Variants in ZDHHC17 observed in about 807,000 individuals in gnomAD.
ZDHHC17 encodes palmitoyltransferase ZDHHC17.
ZDHHC17 carries 40 observed loss-of-function variants against 90.3 expected under a neutral mutation model. The ratio of observed to expected loss-of-function variants is 0.44; its 90% CI spans 0.34 to 0.58. The LOEUF is 0.58. Ranked by LOEUF, ZDHHC17 falls within the 20% of genes least tolerant of loss-of-function variation. The probability of loss-of-function intolerance (pLI) is 0.01; values close to 1 mark genes in which losing one functional copy is unlikely to be tolerated. For synonymous variants in ZDHHC17, 235 were observed against 252.4 expected (o/e 0.93, Z 0.65); for missense variants, 614 against 780.8 (o/e 0.79, Z 2.55).
In ZDHHC17 at chr12:76,822,276, T is replaced by C. The variant is rs1238311503; in HGVS notation, c.772-130T>C. 5.2e-6 allele frequency: 6 copies of C among 1,163,896 alleles called. No homozygotes were observed. The East Asian group carries it at 1.0e-4, about 20-fold the overall frequency. The allele number at this position is 1,163,896 out of a possible 1,614,324, so 72.1% of individuals were successfully genotyped here. A position where few individuals can be genotyped will look rare whatever the true frequency, so the allele number is the denominator to read the frequency against. On this transcript the variant is annotated intron_variant, in intron 7 of 16. Coordinates refer to ENST00000426126, the MANE Select transcript of ZDHHC17 (RefSeq NM_015336.4). ...AAACATGTAATGATGCAGGTGTTTT[T>C]AGTAATTTACACAATGTCAAAACAA...
At chr12:76,849,228 G>A (rs1953532985) in intron 15 of ZDHHC17, 148 bp from the exon 16 acceptor site, 1 of 425,532 alleles carries the variant, frequency 2.3e-6, no homozygotes, top group African/African-American at 2.3e-5. Context: ...GGGGTGGGGG[G>A]AGGTGGCGGG....
At chr12:76,778,384 G>A (rs1198850681) in intron 1 of ZDHHC17, among the ~76,000 whole-genome samples, 3 of 152,112 alleles carry the variant, frequency 2.0e-5, no homozygotes, top group South Asian at 4.2e-4. Flanking sequence ...CACACCCAGC[G>A]AATTTTTTTA....
chr12:76,811,721 C>T (rs985592040), intron 5 of ZDHHC17, among the ~76,000 whole-genome samples: 6 of 100,652 alleles, frequency 6.0e-5, no homozygotes, highest in African/African-American at 1.8e-4. Context: ...AATCTCACCT[C>T]TCCCCTTGGC....
intron 1 of ZDHHC17, among the ~76,000 whole-genome samples, chr12:76,771,965 C>G (rs185466133): frequency 9.2e-5 from 14 of 152,310 alleles, no homozygotes; most frequent in African/African-American, 3.1e-4. Flanking sequence ...CTCTCCTCCT[C>G]TCTCCCTTTC....
rs763168310 is a variant in ZDHHC17 at position 76,822,548 on chromosome 12, A to T, written c.897+17A>T. 1 of 1,429,794 alleles carries T rather than the reference A, an allele frequency of 7.0e-7. No individual in the cohort carries two copies. Among genetic ancestry groups the T allele is most frequent in the African/African-American group, 1.6e-5 (1 of 63,690 alleles). The allele number at this position is 1,429,794 out of a possible 1,614,324, so 88.6% of individuals were successfully genotyped here. A position where few individuals can be genotyped will look rare whatever the true frequency, so the allele number is the denominator to read the frequency against. ...GCTGATAAGGTAAACTCATAACTGA[A>T]GATTTTTTTTTTTTTTTTTTTTTGA... is the stretch of plus-strand genomic sequence containing the variant. On this transcript the variant is annotated intron_variant, in intron 8 of 16. Transcript: ENST00000426126.
chr12:76,844,779 A>G (rs966113797), intron 12 of ZDHHC17: 6 of 152,158 alleles, frequency 3.9e-5, no homozygotes, highest in African/African-American at 1.2e-4. Context: ...TATGCAAACT[A>G]ATGGAGAAAT....
chr12:76,805,045 A>G (rs562662892), intron 2 of ZDHHC17, among the ~76,000 whole-genome samples: 177 of 152,272 alleles, frequency 1.2e-3, no homozygotes, highest in Non-Finnish European at 1.2e-3. Context: ...ATAAGTGGTA[A>G]TAAAGCAACT....
Position 76,852,772 on chromosome 12 carries a change from C to T in ZDHHC17, c.*1787C>T, listed in dbSNP as rs1483600741. On this transcript the variant is annotated 3_prime_UTR_variant, in exon 17 of 17. Coordinates refer to ENST00000426126, the MANE Select transcript of ZDHHC17 (RefSeq NM_015336.4). ...TAATATTAGAAAATTGGCATATGTA[C>T]TTTATTTTTGAAAAGGGAAGAGATG... 1 of 152,430 alleles carries T rather than the reference C, an allele frequency of 6.6e-6. No homozygotes were observed. The highest frequency in any genetic ancestry group is 1.5e-5 in the Non-Finnish European group (1 of 68,000). 9.4% of individuals were successfully genotyped at this position (152,430 alleles called of 1,614,324 possible).
chr12:76,791,671 CATCTGGGA>C (rs1480990654), intron 1 of ZDHHC17, among the ~76,000 whole-genome samples: 4 of 152,110 alleles, frequency 2.6e-5, no homozygotes, highest in Non-Finnish European at 5.9e-5. Flanking sequence ...CTATACTATA[CATCTGGGA>C]TTAGCATAGA....
At chr12:76,836,150 GT>G (rs1953359904) in intron 10 of ZDHHC17, among the ~76,000 whole-genome samples, 1 of 151,700 alleles carries the variant, frequency 6.6e-6, no homozygotes, top group Non-Finnish European at 1.5e-5. Context: ...TATTGTCTTT[GT>G]TATGTTTTGA....
At chr12:76,837,081 C>G (rs1429737750) in intron 10 of ZDHHC17, among the ~76,000 whole-genome samples, 1 of 152,130 alleles carries the variant, frequency 6.6e-6, no homozygotes, top group Non-Finnish European at 1.5e-5. Flanking sequence ...TTTATCATCT[C>G]TGGTCTCCAT....
intron 9 of ZDHHC17, among the ~76,000 whole-genome samples, chr12:76,827,597 C>G (rs561023591): frequency 2.0e-5 from 3 of 152,240 alleles, no homozygotes; most frequent in African/African-American, 7.2e-5. Context: ...ACCTATCCAA[C>G]AAACCTAGAC....
intron 1 of ZDHHC17, among the ~76,000 whole-genome samples, chr12:76,779,762 A>G (rs570601374): frequency 2.0e-5 from 3 of 152,304 alleles, no homozygotes; most frequent in African/African-American, 7.2e-5. Flanking sequence ...TGAGATCCCA[A>G]AGATTGTCTT....
intron 3 of ZDHHC17, among the ~76,000 whole-genome samples, chr12:76,808,782 C>T (rs767345041): frequency 7.9e-5 from 12 of 151,442 alleles, no homozygotes; most frequent in South Asian, 2.1e-4. Flanking sequence ...TTCTTTTTTA[C>T]GTGATTTTTT....
At chr12:76,835,706 T>A (rs1214493767) in intron 10 of ZDHHC17, among the ~76,000 whole-genome samples, 5 of 151,868 alleles carry the variant, frequency 3.3e-5, no homozygotes, top group Admixed American at 1.3e-4. Context: ...TTCTTTCTAC[T>A]CTTTATAGCA....
At chr12:76,764,564 G>T in intron 1 of ZDHHC17, 1 of 576,576 alleles carries the variant, frequency 1.7e-6, no homozygotes, top group Non-Finnish European at 3.1e-6. Flanking sequence ...GTGCCTGGAG[G>T]ACAGAGGTGG....
chr12:76,786,957 ACTT>A (rs1952694905), intron 1 of ZDHHC17, among the ~76,000 whole-genome samples: 1 of 152,222 alleles, frequency 6.6e-6, no homozygotes, highest in Non-Finnish European at 1.5e-5. Context: ...AGTTTACAAT[ACTT>A]CTTAGGATTT....
chr12:76,841,515 AGCAAGCTTATATTTTTTCT>A (rs1282903296), intron 10 of ZDHHC17, among the ~76,000 whole-genome samples: 2 of 152,166 alleles, frequency 1.3e-5, no homozygotes, highest in Admixed American at 6.5e-5. Flanking sequence ...ATTTGTTTTA[AGCAAGCTTATATTTTTTCT>A]GAAATCAATT....
Position 76,815,178 on chromosome 12 carries a change from G to C in ZDHHC17, c.576G>C (p.Thr192=). 1 of 1,567,494 alleles carries C rather than the reference G, an allele frequency of 6.4e-7. No homozygotes were observed. Among genetic ancestry groups the C allele is most frequent in the South Asian group, 1.2e-5 (1 of 84,906 alleles). Residue 192 remains threonine, a synonymous_variant, in exon 6 of 17, where the codon ACG becomes ACC. Transcript: ENST00000426126. ...ATATGATGGATCAGAATGGAATGACGCCTTTAATGTGGGCAGCATATAGAA... is the reference window on the plus strand; with the variant it reads ...ATATGATGGATCAGAATGGAATGACCCCTTTAATGTGGGCAGCATATAGAA... ...DVDMMDQNGM[T]PLMWAAYRTH...
Sources: gnomAD v4.1 joint callset for allele counts (sites outside exome capture counted in the v4.1 genomes callset) on GRCh38, gnomAD v4.1.1 for gene constraint, MANE v1.5 for transcripts, NCBI Gene and HGNC (gene_info 2026-07-23, HGNC 2026-07-21) for gene names.